The following LYN variants were observed in gnomAD, a reference collection of about 807,000 sequenced individuals.
LYN encodes the protein tyrosine-protein kinase Lyn.
A neutral mutation model predicts 65.0 loss-of-function variants in LYN; 12 were observed. The ratio of observed to expected loss-of-function variants is 0.18; its 90% CI spans 0.12 to 0.30. The LOEUF (loss-of-function observed/expected upper bound fraction) is 0.30, where lower values mean the gene tolerates loss of function less well. Ranked by LOEUF, LYN falls within the 10% of genes least tolerant of loss-of-function variation. The pLI is 1.00. For missense variants in LYN, 380 were observed against 623.2 expected (o/e 0.61, Z 4.16); for synonymous variants, 222 against 221.2 (o/e 1.00, Z -0.03).
intron 8 of LYN, among the ~76,000 whole-genome samples, chr8:55,964,337 C>T (rs954536762): frequency 2.6e-5 from 4 of 152,056 alleles, no homozygotes; most frequent in South Asian, 2.1e-4. Context: ...GGATTACAGG[C>T]ATGAACCACC....
At chr8:55,884,417 A>T (rs533582841) in intron 1 of LYN, among the ~76,000 whole-genome samples, 2 of 144,626 alleles carry the variant, frequency 1.4e-5, no homozygotes, top group Admixed American at 7.0e-5. Context: ...TCTGGGGTAT[A>T]TTTGGCTTAA....
At chr8:55,979,610 G>A (rs1395932139) in intron 10 of LYN, among the ~76,000 whole-genome samples, 5 of 152,096 alleles carry the variant, frequency 3.3e-5, no homozygotes, top group African/African-American at 9.7e-5. Flanking sequence ...ATTTAAGACC[G>A]GTTTGACTGA....
intron 10 of LYN, among the ~76,000 whole-genome samples, chr8:55,973,827 T>C (rs1463586633): frequency 6.6e-6 from 1 of 152,218 alleles, no homozygotes; most frequent in Non-Finnish European, 1.5e-5. Flanking sequence ...GCACCTATTG[T>C]CTCAGCTACT....
intron 1 of LYN, among the ~76,000 whole-genome samples, chr8:55,920,448 G>A (rs982398907): frequency 1.4e-4 from 22 of 152,150 alleles, no homozygotes; most frequent in Non-Finnish European, 2.4e-4. Context: ...GGCGGATAAT[G>A]GGAAGTAACG....
At position 55,941,897 on chromosome 8, in the gene LYN, G is replaced by A; in HGVS notation, c.38G>A (p.Ser13Asn). The A allele has an allele frequency of 1.2e-6, 2 of 1,613,056 alleles. No homozygotes were observed. The highest frequency in any genetic ancestry group is 2.2e-5 in the East Asian group (1 of 44,844). Residue 13 changes from serine to asparagine, a missense_variant, in exon 2 of 13, where the codon AGT becomes AAT. Coordinates refer to ENST00000519728, the MANE Select transcript of LYN (RefSeq NM_002350.4). ...AAATCAAAAGGGAAAGACAGCTTGA[G>A]TGACGATGGAGTAGATTTGAAGACT... is the stretch of plus-strand genomic sequence containing the variant. The part of the protein sequence containing the change: ...CIKSKGKDSL[S>N]DDGVDLKTQP...
Position 55,966,695 on chromosome 8 carries a change from G to A in LYN, c.791-20G>A, listed in dbSNP as rs201842406. 24 of 1,606,668 alleles carry A rather than the reference G, an allele frequency of 1.5e-5. No individual in the cohort carries two copies. Among genetic ancestry groups the A allele is most frequent in the East Asian group, 1.1e-4 (5 of 44,710 alleles). On this transcript the variant is annotated intron_variant, in intron 8 of 12. Coordinates refer to ENST00000519728, the MANE Select transcript of LYN (RefSeq NM_002350.4). Reference sequence around the variant, plus strand: ...ATTTTCTGTTTTATAAAGCATGCCCGCCTTCTTTTTTCTTCCTAGGTTACT... The same window carrying A: ...ATTTTCTGTTTTATAAAGCATGCCCACCTTCTTTTTTCTTCCTAGGTTACT...
Position 56,003,849 on chromosome 8 carries a change from G to C in LYN, c.1336+4300G>C, listed in dbSNP as rs565587375. Among the ~76,000 whole-genome samples the C allele has an allele frequency of 3.3e-5, 5 of 151,284 alleles. No homozygotes were observed. The South Asian group carries it at 1.0e-3, about 32-fold the overall frequency. On this transcript the variant is annotated intron_variant, in intron 12 of 12. Coordinates refer to ENST00000519728, the MANE Select transcript of LYN (RefSeq NM_002350.4). ...GTTAGCATTGGGTCAAGAGATAATA[G>C]GTTATATTAATTTTCTTCTTGATGA...
intron 8 of LYN, chr8:55,955,333 T>C (rs1807075961): frequency 1.3e-5 from 2 of 152,222 alleles, no homozygotes; most frequent in African/African-American, 2.4e-5. Context: ...TCAGGTAAAC[T>C]GTAATTACAT....
At chr8:56,009,825 A>G in intron 12 of LYN, 83 bp from the exon 13 acceptor site, 1 of 1,118,866 alleles carries the variant, frequency 8.9e-7, no homozygotes, top group Non-Finnish European at 1.3e-6. Flanking sequence ...TGTGAGGAGC[A>G]AAAAGACCAC....
At chr8:55,917,949 A>G (rs1233802073) in intron 1 of LYN, among the ~76,000 whole-genome samples, 3 of 152,040 alleles carry the variant, frequency 2.0e-5, no homozygotes, top group Non-Finnish European at 4.4e-5. Context: ...TTCTGTGGAA[A>G]CCTCCTCTTG....
intron 4 of LYN, among the ~76,000 whole-genome samples, chr8:55,948,850 G>C (rs1806857639): frequency 6.6e-6 from 1 of 152,180 alleles, no homozygotes; most frequent in Non-Finnish European, 1.5e-5. Flanking sequence ...TAGATCATGG[G>C]GTTGATGTGA....
At chr8:55,982,830 TCAG>T (rs912706927) in intron 10 of LYN, among the ~76,000 whole-genome samples, 4 of 152,120 alleles carry the variant, frequency 2.6e-5, no homozygotes, top group Non-Finnish European at 5.9e-5. Context: ...CGTTTCCACT[TCAG>T]CCATTGCCTC....
chr8:55,950,355 A>G, intron 4 of LYN, 104 bp from the exon 5 acceptor site: 1 of 753,850 alleles, frequency 1.3e-6, no homozygotes, highest in Non-Finnish European at 2.2e-6. Context: ...TTGATATGTA[A>G]TATCTGTACA....
chr8:55,959,686 A>C (rs1807219867), intron 8 of LYN, among the ~76,000 whole-genome samples: 1 of 152,222 alleles, frequency 6.6e-6, no homozygotes, highest in African/African-American at 2.4e-5. Context: ...TGTCCACGCA[A>C]AAACCTGTAC....
intron 1 of LYN, among the ~76,000 whole-genome samples, chr8:55,921,909 G>A (rs767723020): frequency 6.6e-6 from 1 of 152,166 alleles, no homozygotes; most frequent in Non-Finnish European, 1.5e-5. Context: ...GCCGAACAAT[G>A]TTTCTTGCAC....
intron 1 of LYN, among the ~76,000 whole-genome samples, chr8:55,929,535 C>G (rs1322922878): frequency 6.6e-6 from 1 of 152,202 alleles, no homozygotes; most frequent in Non-Finnish European, 1.5e-5. Context: ...TTGCCCCAAT[C>G]TGTAACAGAA....
chr8:56,010,791 C>T lies in LYN; in HGVS notation c.*681C>T. The T allele has an allele frequency of 4.3e-6, 1 of 230,806 alleles. No homozygotes were observed. The highest frequency in any genetic ancestry group is 6.2e-5 in the East Asian group (1 of 16,232). 14.3% of individuals were successfully genotyped at this position (230,806 alleles called of 1,614,324 possible). A position where few individuals can be genotyped will look rare whatever the true frequency, so the allele number is the denominator to read the frequency against. On this transcript the variant is annotated 3_prime_UTR_variant, in exon 13 of 13. Transcript: ENST00000519728. ...TCTTCCAGCAGGAGGAGCCCGTGAG[C>T]ACGCACAGCTGCCCTGTCTGCTCAC... is the stretch of plus-strand genomic sequence containing the variant.
chr8:55,894,835 T>C (rs1353628662), intron 1 of LYN, among the ~76,000 whole-genome samples: 1 of 151,808 alleles, frequency 6.6e-6, no homozygotes, highest in Non-Finnish European at 1.5e-5. Flanking sequence ...ATGCCTGGCC[T>C]GCCTGGCTAA....
intron 1 of LYN, among the ~76,000 whole-genome samples, chr8:55,897,097 G>C (rs9643489): frequency 0.9 from 136,307 of 152,140 alleles, 61,119 homozygotes; most frequent in East Asian, 0.98. Flanking sequence ...GTTGGAGAAC[G>C]ATGTTACTCA....
Sources: allele counts gnomAD v4.1 joint callset (sites outside exome capture counted in the v4.1 genomes callset), GRCh38; gene constraint gnomAD v4.1.1; transcripts MANE v1.5; gene names NCBI Gene and HGNC (gene_info 2026-07-23, HGNC 2026-07-21).